Variants in HBP1 observed in about 807,000 individuals in gnomAD.
HBP1 encodes HMG-box transcription factor 1, also known as HMG box-containing protein 1.
In HBP1, 20 loss-of-function variants were observed where a neutral mutation model predicts 62.6. That is an observed-to-expected ratio of 0.32 (90% CI 0.22 to 0.46). The LOEUF (loss-of-function observed/expected upper bound fraction) is 0.46. Ranked by LOEUF, HBP1 falls within the 20% of genes least tolerant of loss-of-function variation. The pLI is 1.00. For missense variants in HBP1, 480 were observed against 611.8 expected, an observed-to-expected ratio of 0.78 and a Z score of 2.27; for synonymous variants, 232 against 206.2, an observed-to-expected ratio of 1.12 and a Z score of -1.07.
rs529498287 is a variant in HBP1, at chr7:107,198,180, A to AAATC, written c.1386-1978_1386-1975dup. Among the ~76,000 whole-genome samples the AAATC allele has an allele frequency of 2.0e-4, 30 of 152,092 alleles. No individual in the cohort carries two copies. In the South Asian group the frequency reaches 5.8e-3, roughly 29 times the overall value. ...TTTCTGATCTTTTTATAGGATCTCT[A>AAATC]AATCAGGTTATACCCTTTATTGCTC... On this transcript the variant is annotated intron_variant, in intron 9 of 10. Coordinates refer to ENST00000222574, the MANE Select transcript of HBP1 (RefSeq NM_012257.4).
intron 8 of HBP1, among the ~76,000 whole-genome samples, chr7:107,191,743 G>A (rs928948293): frequency 2.6e-5 from 4 of 152,108 alleles, no homozygotes; most frequent in Non-Finnish European, 4.4e-5. Flanking sequence ...GAAATATACA[G>A]TATGAGTCTA....
At position 107,189,355 on chromosome 7, in the gene HBP1, G is replaced by A; in HGVS notation, c.829G>A (p.Val277Ile). 1.2e-6 allele frequency: 2 copies of A among 1,612,576 alleles called. No individual in the cohort carries two copies. The highest frequency in any genetic ancestry group is 1.7e-6 in the Non-Finnish European group (2 of 1,178,674). ...HEESVSFGES[V>I]LKLTFDPGTV... ...AGAAAGTGTATCATTTGGCGAGTCT[G>A]TACTGAAGTTGACTTTTGATCCTGG... The change falls in exon 7 of 11, where the codon GTA becomes ATA. Residue 277 changes from valine to isoleucine, a missense_variant. By Grantham distance (29) the Val-to-Ile change is conservative (BLOSUM62 3). This residue lies in a region of HBP1 where 304 missense variants were observed against 330.9 expected (regional missense o/e 0.92). Transcript: ENST00000222574.
At chr7:107,178,634 G>A (rs1245287369) in intron 1 of HBP1, among the ~76,000 whole-genome samples, 1 of 151,990 alleles carries the variant, frequency 6.6e-6, no homozygotes, top group Non-Finnish European at 1.5e-5. Context: ...CTTTTATTAT[G>A]GCTAGGTCCC....
chr7:107,186,811 T>A lies in HBP1; in HGVS notation c.765+130T>A. ...CATCGTACATTTTAGGTAGAGCATT[T>A]TTATGACCACTCATTGCTTAGTCTG... On this transcript the variant is annotated intron_variant, in intron 6 of 10. Coordinates refer to ENST00000222574, the MANE Select transcript of HBP1 (RefSeq NM_012257.4). The A allele has an allele frequency of 6.4e-6, 4 of 629,840 alleles. 1 individual carries two copies. Among genetic ancestry groups the A allele is most frequent in the Non-Finnish European group, 1.1e-5 (4 of 354,492 alleles). The allele number at this position is 629,840 out of a possible 1,614,324, so 39.0% of individuals were successfully genotyped here. A position where few individuals can be genotyped will look rare whatever the true frequency, so the allele number is the denominator to read the frequency against.
chr7:107,186,045 G>A (rs1436352981), intron 4 of HBP1, 103 bp downstream of exon 4: 3 of 851,850 alleles, frequency 3.5e-6, no homozygotes, highest in Admixed American at 2.3e-5. Flanking sequence ...TTAGTGATCT[G>A]GATTTGATTT....
At chr7:107,174,124 T>C (rs1584474162) in intron 1 of HBP1, among the ~76,000 whole-genome samples, 1 of 152,348 alleles carries the variant, frequency 6.6e-6, no homozygotes, top group South Asian at 2.1e-4. Context: ...TTTTCATATA[T>C]TGAATTCTCA....
intron 1 of HBP1, chr7:107,169,768 A>T: frequency 1.0e-6 from 1 of 980,834 alleles, no homozygotes. Context: ...GGCTGAGCCG[A>T]GGGGAAAAAC....
chr7:107,197,336 A>G (rs565665577), intron 9 of HBP1, among the ~76,000 whole-genome samples: 6 of 152,264 alleles, frequency 3.9e-5, no homozygotes, highest in African/African-American at 1.2e-4. Context: ...CTTTAGACAC[A>G]TAAGTGTGTA....
rs773631987 is a variant in HBP1, at chr7:107,182,390, C to G, written c.187C>G (p.Gln63Glu). The G allele has an allele frequency of 4.4e-6, 7 of 1,606,970 alleles. No individual in the cohort carries two copies. The South Asian group carries it at 5.5e-5, about 13-fold the overall frequency. The change falls in exon 3 of 11, where the codon CAG becomes GAG. Residue 63 changes from glutamine to glutamate, a missense_variant. By Grantham distance (29) the Gln-to-Glu change is conservative. Coordinates refer to ENST00000222574, the MANE Select transcript of HBP1 (RefSeq NM_012257.4). Reference protein sequence around the residue: ...HMELDDLPELQAVQSDPTQSG... With the variant: ...HMELDDLPELEAVQSDPTQSG... ...ATTTGCAGATGACCTTCCTGAACTT[C>G]AGGCAGTTCAAAGTGATCCTACCCA... is the stretch of plus-strand genomic sequence containing the variant.
intron 8 of HBP1, among the ~76,000 whole-genome samples, chr7:107,191,033 G>A (rs1247771432): frequency 1.3e-5 from 2 of 152,148 alleles, no homozygotes; most frequent in Non-Finnish European, 2.9e-5. Context: ...CCCAGAGAAA[G>A]TCTGTGTGTA....
chr7:107,182,316 T>C, intron 2 of HBP1, 57 bp from the exon 3 acceptor site: 1 of 922,938 alleles, frequency 1.1e-6, no homozygotes, highest in Non-Finnish European at 1.8e-6. Context: ...GCAGTTATAA[T>C]ATTGTTCCTT....
chr7:107,173,927 T>G (rs1007148471), intron 1 of HBP1, among the ~76,000 whole-genome samples: 3 of 152,194 alleles, frequency 2.0e-5, no homozygotes, highest in Non-Finnish European at 4.4e-5. Context: ...CCAGGAGATA[T>G]TTGAAAGAGG....
Position 107,169,083 on chromosome 7 carries a change from C to T in HBP1, c.-118C>T. The T allele has an allele frequency of 7.8e-7, 1 of 1,286,164 alleles. No homozygotes were observed. The highest frequency in any genetic ancestry group is 1.2e-5 in the South Asian group (1 of 80,676). 79.7% of individuals were successfully genotyped at this position (1,286,164 alleles called of 1,614,324 possible). A position where few individuals can be genotyped will look rare whatever the true frequency, so the allele number is the denominator to read the frequency against. The stretch of plus-strand genomic sequence containing the variant: ...GAGCTGCCGCGGGAGCAGTAACCCG[C>T]GCGGGGGAGGCCGACGTCGGTCGGA... On this transcript the variant is annotated 5_prime_UTR_variant, in exon 1 of 11. Coordinates refer to ENST00000222574, the MANE Select transcript of HBP1 (RefSeq NM_012257.4).
chr7:107,199,418 A>G (rs141662981), intron 9 of HBP1, among the ~76,000 whole-genome samples: 14 of 152,350 alleles, frequency 9.2e-5, no homozygotes, highest in East Asian at 3.9e-4. Flanking sequence ...ATGCAGCACA[A>G]TGTTTAACTG....
intron 1 of HBP1, chr7:107,169,854 G>A (rs1796469587): frequency 1.0e-6 from 1 of 985,488 alleles, no homozygotes; most frequent in Non-Finnish European, 1.2e-6. Context: ...AGAGGGTGGG[G>A]GATGGACTTG....
Position 107,200,211 on chromosome 7 carries a change from G to A in HBP1, c.1437G>A (p.Glu479=), listed in dbSNP as rs749258125. The A allele has an allele frequency of 3.7e-6, 6 of 1,610,788 alleles. No homozygotes were observed. The highest frequency in any genetic ancestry group is 1.7e-4 in the Middle Eastern group (1 of 6,052). The change falls in exon 10 of 11, where the codon GAG becomes GAA. Residue 479 remains glutamate (E), a synonymous_variant. Coordinates refer to ENST00000222574, the MANE Select transcript of HBP1 (RefSeq NM_012257.4). The stretch of plus-strand genomic sequence containing the variant: ...GGTGGAAGAAAATGAAGAATGAAGA[G>A]AGAAGAATGTACACATTAGAAGCAA... ...GDRWKKMKNE[E]RRMYTLEAKA...
At chr7:107,180,605 C>G (rs962379468) in intron 2 of HBP1, among the ~76,000 whole-genome samples, 2 of 152,184 alleles carry the variant, frequency 1.3e-5, no homozygotes, top group Non-Finnish European at 2.9e-5. Context: ...TGGCTTGCTG[C>G]CCAGCTTTTC....
At chr7:107,185,584 A>G (rs1797313824) in intron 3 of HBP1, among the ~76,000 whole-genome samples, 1 of 152,246 alleles carries the variant, frequency 6.6e-6, no homozygotes, top group Non-Finnish European at 1.5e-5. Context: ...TATATTGTCA[A>G]ATCTGAAAAA....
Position 107,170,194 on chromosome 7 carries a change from A to G in HBP1, c.-16+1009A>G, listed in dbSNP as rs1377070934. The G allele has an allele frequency of 3.2e-6, 3 of 936,576 alleles. No homozygotes were observed. In the African/African-American group the frequency reaches 5.3e-5, roughly 17 times the overall value. The allele number at this position is 936,576 out of a possible 1,614,324, so 58.0% of individuals were successfully genotyped here. A position where few individuals can be genotyped will look rare whatever the true frequency, so the allele number is the denominator to read the frequency against. ...ATGGTGCCACTGATGCCAGGACGAG[A>G]GGAGGCTTAGAAAAGGAGTTATACA... is the stretch of plus-strand genomic sequence containing the variant. On this transcript the variant is annotated intron_variant, in intron 1 of 10. Coordinates refer to ENST00000222574, the MANE Select transcript of HBP1 (RefSeq NM_012257.4).
Sources: allele counts gnomAD v4.1 joint callset (sites outside exome capture counted in the v4.1 genomes callset), GRCh38; gene constraint gnomAD v4.1.1; regional missense constraint gnomAD v4.1.1; transcripts MANE v1.5; gene names NCBI Gene and HGNC (gene_info 2026-07-23, HGNC 2026-07-21).